EYS: variants seen among roughly 807,000 people sequenced by gnomAD.
EYS encodes protein eyes shut homolog.
In EYS, 250 loss-of-function variants were observed where a neutral mutation model predicts 282.1. The ratio of observed to expected loss-of-function variants is 0.89; its 90% confidence interval spans 0.80 to 0.98. The LOEUF (loss-of-function observed/expected upper bound fraction) is 0.98. EYS is among the 50% of genes least tolerant of loss of function. The pLI, the probability that EYS is intolerant of heterozygous loss-of-function variation, is 0.00. For synonymous variants in EYS, 1,355 were observed against 1,282.9 expected (o/e 1.06, Z -1.20); for missense variants, 4,016 against 3,709.0 (o/e 1.08, Z -2.15).
chr6:64,342,234 A>C (rs111874213), intron 29 of EYS, among the ~76,000 whole-genome samples: 3,526 of 151,634 alleles, frequency 0.023, 109 homozygotes, highest in African/African-American at 0.073. Context: ...TGTTTTAAAA[A>C]TATAGTAATT....
At chr6:64,150,900 A>G (rs900975770) in intron 31 of EYS, among the ~76,000 whole-genome samples, 1 of 152,142 alleles carries the variant, frequency 6.6e-6, no homozygotes, top group Non-Finnish European at 1.5e-5. Flanking sequence ...TTCAAATATT[A>G]ACAATTTTAT....
intron 10 of EYS, 54 bp downstream of exon 10, chr6:65,343,984 G>A (rs1160083578): frequency 1.4e-6 from 2 of 1,470,666 alleles, no homozygotes; most frequent in East Asian, 2.3e-5. Flanking sequence ...CTAAAAATCA[G>A]ACAATTACAA....
intron 33 of EYS, among the ~76,000 whole-genome samples, chr6:64,059,565 T>G (rs1771094200): frequency 6.6e-6 from 1 of 152,186 alleles, no homozygotes; most frequent in South Asian, 2.1e-4. Flanking sequence ...AAACTAATAC[T>G]TCCACGTTTC....
chr6:65,052,997 G>C (rs1220707289), intron 13 of EYS, among the ~76,000 whole-genome samples: 3 of 151,706 alleles, frequency 2.0e-5, no homozygotes, highest in Admixed American at 2.0e-4. Context: ...TTGTATGAAA[G>C]CTATGCTATT....
rs555188817 is a variant in EYS, at chr6:64,227,800, CTCTG to C, written c.6424+2788_6424+2791del. Among the ~76,000 whole-genome samples the C allele has an allele frequency of 3.0e-3, 451 of 152,102 alleles. 4 individuals carry two copies. The highest frequency in any genetic ancestry group is 0.01 in the African/African-American group (423 of 41,498). On this transcript the variant is annotated intron_variant, in intron 31 of 42. Coordinates refer to ENST00000503581, the MANE Select transcript of EYS (RefSeq NM_001142800.2). ...TCATTTAAACATTATTTTCATGGCA[CTCTG>C]TCTGTAAATTCTGATTTATCTGTAA... is the stretch of plus-strand genomic sequence containing the variant.
rs113844621 is a variant in EYS at position 64,739,118 on chromosome 6, C to T, written c.3443+74260G>A. On this transcript the variant is annotated intron_variant, in intron 22 of 42. Coordinates refer to ENST00000503581, the MANE Select transcript of EYS (RefSeq NM_001142800.2). ...CTTTTTTTCACTCTACTGAGCTGGA[C>T]CTCTATAGCCTCAGACAATCAAATA... Among the ~76,000 whole-genome samples the T allele has an allele frequency of 5.5e-3, 831 of 152,220 alleles. 9 individuals are homozygous for T. Among genetic ancestry groups the T allele is most frequent in the African/African-American group, 0.019 (790 of 41,530 alleles).
At chr6:65,640,849 CTGT>C (rs1362588957) in intron 1 of EYS, among the ~76,000 whole-genome samples, 15 of 152,104 alleles carry the variant, frequency 9.9e-5, no homozygotes, top group African/African-American at 3.6e-4. Context: ...CTATGGATTT[CTGT>C]CATTGACCAT....
intron 12 of EYS, 25 bp downstream of exon 12, chr6:65,295,838 A>T: frequency 6.8e-7 from 1 of 1,473,478 alleles, no homozygotes; most frequent in Middle Eastern, 1.7e-4. Context: ...AGAAAATTTA[A>T]TTTATCAGGA....
At chr6:63,896,443 T>C (rs1380585632) in intron 35 of EYS, among the ~76,000 whole-genome samples, 1 of 152,152 alleles carries the variant, frequency 6.6e-6, no homozygotes, top group Non-Finnish European at 1.5e-5. Flanking sequence ...CAAAATAGAG[T>C]GGGAAGTACA....
chr6:63,999,583 T>C (rs956214432), intron 33 of EYS, among the ~76,000 whole-genome samples: 2 of 152,174 alleles, frequency 1.3e-5, no homozygotes, highest in Non-Finnish European at 1.5e-5. Flanking sequence ...ACTCCCTAGG[T>C]AGAATTTCCC....
chr6:64,709,241 G>A (rs1460643123), intron 22 of EYS, among the ~76,000 whole-genome samples: 1 of 152,054 alleles, frequency 6.6e-6, no homozygotes, highest in Non-Finnish European at 1.5e-5. Context: ...TTGAAAATGT[G>A]AAATCCTTAC....
At chr6:64,180,534 A>T (rs1764758946) in intron 31 of EYS, among the ~76,000 whole-genome samples, 1 of 152,004 alleles carries the variant, frequency 6.6e-6, no homozygotes, top group Non-Finnish European at 1.5e-5. Flanking sequence ...CTCAGTAGTG[A>T]GCATACTACC....
At chr6:65,493,259 A>G (rs985895522) in intron 4 of EYS, among the ~76,000 whole-genome samples, 2 of 152,126 alleles carry the variant, frequency 1.3e-5, no homozygotes, top group Non-Finnish European at 2.9e-5. Context: ...CTTGGCTCCA[A>G]TGGAGTCAGC....
chr6:63,904,506 T>G (rs1773730249), intron 35 of EYS, among the ~76,000 whole-genome samples: 1 of 152,190 alleles, frequency 6.6e-6, no homozygotes, highest in Non-Finnish European at 1.5e-5. Context: ...GGCCTTCGGC[T>G]CCTCATCCTG....
At chr6:64,697,566 C>T (rs1037997250) in intron 22 of EYS, among the ~76,000 whole-genome samples, 11 of 152,132 alleles carry the variant, frequency 7.2e-5, no homozygotes, top group African/African-American at 1.7e-4. Context: ...GAACATTCTA[C>T]TTTACAAAAG....
intron 33 of EYS, among the ~76,000 whole-genome samples, chr6:64,047,068 C>T (rs932221325): frequency 1.1e-4 from 16 of 151,906 alleles, no homozygotes; most frequent in Admixed American, 5.9e-4. Context: ...CTTTTTTTCC[C>T]CCTCTCATTA....
At chr6:64,378,210 T>C (rs1772629288) in intron 29 of EYS, among the ~76,000 whole-genome samples, 1 of 152,138 alleles carries the variant, frequency 6.6e-6, no homozygotes, top group African/African-American at 2.4e-5. Flanking sequence ...TTCATGGAAG[T>C]ATGAAAATAA....
At chr6:65,404,821 A>G (rs766766830) in intron 6 of EYS, among the ~76,000 whole-genome samples, 4 of 152,002 alleles carry the variant, frequency 2.6e-5, no homozygotes, top group Non-Finnish European at 5.9e-5. Context: ...AAATGAAAAG[A>G]CAGTAATTTG....
intron 30 of EYS, among the ~76,000 whole-genome samples, chr6:64,270,484 A>G (rs1212674549): frequency 6.6e-6 from 1 of 152,108 alleles, no homozygotes; most frequent in African/African-American, 2.4e-5. Flanking sequence ...CTAACTACAC[A>G]TTATTAAAAA....
Sources: allele counts gnomAD v4.1 joint callset (sites outside exome capture counted in the v4.1 genomes callset), GRCh38; gene constraint gnomAD v4.1.1; transcripts MANE v1.5; gene names NCBI Gene and HGNC (gene_info 2026-07-23, HGNC 2026-07-21).